The following DLG2 variants were observed in gnomAD, a reference collection of about 807,000 sequenced individuals.
DLG2 encodes the protein disks large homolog 2.
A neutral mutation model predicts 132.5 loss-of-function variants in DLG2; 45 were observed. The ratio of observed to expected loss-of-function variants is 0.34; its 90% confidence interval spans 0.27 to 0.44. The LOEUF is 0.44. Ranked by LOEUF, DLG2 falls within the 20% of genes least tolerant of loss-of-function variation. The pLI is 1.00. For missense variants in DLG2, 1,045 were observed against 1,196.9 expected (o/e 0.87, Z 1.87); for synonymous variants, 424 against 419.6 (o/e 1.01, Z -0.13).
At position 83,714,822 on chromosome 11, in the gene DLG2, A is replaced by G. The variant is rs558315380; in HGVS notation, c.1825+71868T>C. On this transcript the variant is annotated intron_variant, in intron 18 of 27. Transcript: ENST00000376104. ...GTGTGCCACGTTGGTGGGAGTGTAA[A>G]TTAGTTCAACCATTGTGGAAGACAG... Among the ~76,000 whole-genome samples, 3 of 152,354 alleles carry G rather than the reference A, an allele frequency of 2.0e-5. No individual in the cohort carries two copies. In the East Asian group the frequency reaches 5.8e-4, roughly 29 times the overall value.
chr11:84,756,554 T>C (rs140925144), intron 6 of DLG2, among the ~76,000 whole-genome samples: 2 of 152,224 alleles, frequency 1.3e-5, no homozygotes, highest in East Asian at 1.9e-4. Flanking sequence ...TCCAGAAAAA[T>C]ACAGATAATT....
At chr11:85,506,138 C>A (rs1486776595) in intron 3 of DLG2, among the ~76,000 whole-genome samples, 2 of 151,896 alleles carry the variant, frequency 1.3e-5, no homozygotes, top group East Asian at 3.9e-4. Context: ...GGCTAGTGGT[C>A]TATTTTGTTG....
intron 6 of DLG2, among the ~76,000 whole-genome samples, chr11:84,910,639 G>A (rs1247968804): frequency 1.3e-5 from 2 of 152,128 alleles, no homozygotes; most frequent in East Asian, 1.9e-4. Context: ...TTGGCCAGGT[G>A]CAGTGGCTCA....
chr11:85,417,282 C>T (rs2089947870), intron 3 of DLG2, among the ~76,000 whole-genome samples: 1 of 152,100 alleles, frequency 6.6e-6, no homozygotes, highest in South Asian at 2.1e-4. Context: ...CCTTGCATCC[C>T]AGAAATGAAG....
chr11:83,624,428 A>G (rs753987774), intron 19 of DLG2, among the ~76,000 whole-genome samples: 3 of 152,276 alleles, frequency 2.0e-5, no homozygotes, highest in Non-Finnish European at 4.4e-5. Flanking sequence ...TTAGCTGCCT[A>G]AAGACAAAGC....
At chr11:85,201,465 G>A (rs2081454007) in intron 4 of DLG2, among the ~76,000 whole-genome samples, 1 of 151,830 alleles carries the variant, frequency 6.6e-6, no homozygotes, top group South Asian at 2.1e-4. Flanking sequence ...ATCTGACTTA[G>A]GTGTTCCCCA....
At chr11:85,012,778 G>T (rs997756791) in intron 6 of DLG2, among the ~76,000 whole-genome samples, 4 of 151,950 alleles carry the variant, frequency 2.6e-5, no homozygotes, top group Middle Eastern at 3.4e-3. Flanking sequence ...ATTTTTTCCC[G>T]ACCATTTTTG....
At chr11:83,527,950 A>T (rs1049357388) in intron 21 of DLG2, among the ~76,000 whole-genome samples, 1 of 152,170 alleles carries the variant, frequency 6.6e-6, no homozygotes, top group Non-Finnish European at 1.5e-5. Flanking sequence ...AAATTGATTT[A>T]AAAAAAGGTA....
chr11:84,359,493 G>T (rs181222603), intron 7 of DLG2, among the ~76,000 whole-genome samples: 2 of 151,924 alleles, frequency 1.3e-5, no homozygotes, highest in East Asian at 3.9e-4. Flanking sequence ...CAAAGGTTAC[G>T]TGGCCTGAAA....
intron 6 of DLG2, among the ~76,000 whole-genome samples, chr11:84,975,198 C>T (rs2054712815): frequency 6.6e-6 from 1 of 152,114 alleles, no homozygotes; most frequent in Non-Finnish European, 1.5e-5. Context: ...TTTATCTATC[C>T]ATTATCCATT....
chr11:85,473,553 T>C (rs1001545000), intron 3 of DLG2, among the ~76,000 whole-genome samples: 3 of 151,998 alleles, frequency 2.0e-5, no homozygotes, highest in African/African-American at 7.2e-5. Flanking sequence ...CAAATATGAG[T>C]ATATCTGAAA....
chr11:84,316,504 C>G (rs915765343), intron 7 of DLG2, among the ~76,000 whole-genome samples: 1 of 151,762 alleles, frequency 6.6e-6, no homozygotes, highest in Non-Finnish European at 1.5e-5. Flanking sequence ...AATAAACAGG[C>G]AGGACAGAAC....
At chr11:84,590,708 A>C (rs1205822259) in intron 6 of DLG2, among the ~76,000 whole-genome samples, 2 of 152,174 alleles carry the variant, frequency 1.3e-5, no homozygotes, top group Non-Finnish European at 2.9e-5. Context: ...GCATTTACTC[A>C]ATAGATGCTG....
chr11:84,033,429 AT>A (rs2095766213), intron 11 of DLG2, among the ~76,000 whole-genome samples: 1 of 152,228 alleles, frequency 6.6e-6, no homozygotes, highest in Admixed American at 6.5e-5. Context: ...ATATGACTGA[AT>A]TGCTGCAATC....
chr11:84,069,948 A>G (rs890962207), intron 10 of DLG2, among the ~76,000 whole-genome samples: 1 of 152,182 alleles, frequency 6.6e-6, no homozygotes, highest in Non-Finnish European at 1.5e-5. Context: ...CTGCTTGTCA[A>G]CTTTCAAGAG....
intron 11 of DLG2, among the ~76,000 whole-genome samples, chr11:83,982,084 C>A (rs565597368): frequency 2.5e-4 from 38 of 152,210 alleles, no homozygotes; most frequent in South Asian, 6.2e-4. Flanking sequence ...GAACCTACTG[C>A]ATTTCTAGTC....
At chr11:84,987,342 G>A (rs969515910) in intron 6 of DLG2, among the ~76,000 whole-genome samples, 2 of 151,856 alleles carry the variant, frequency 1.3e-5, no homozygotes, top group Non-Finnish European at 2.9e-5. Context: ...TGACCATACT[G>A]TCAAAAGTAA....
chr11:85,373,222 G>A (rs943552857), intron 3 of DLG2, among the ~76,000 whole-genome samples: 7 of 152,036 alleles, frequency 4.6e-5, no homozygotes, highest in Admixed American at 1.3e-4. Context: ...CTGGTAAAAG[G>A]CCTTGGAATT....
chr11:83,775,821 A>C lies in DLG2; in HGVS notation c.1825+10869T>G, dbSNP rs149060170. Among the ~76,000 whole-genome samples, 3 of 152,180 alleles carry C rather than the reference A, an allele frequency of 2.0e-5. No homozygotes were observed. The South Asian group carries it at 6.2e-4, about 32-fold the overall frequency. On this transcript the variant is annotated intron_variant, in intron 18 of 27. Transcript: ENST00000376104. ...AATATAAAGATGAATAGCCGGGCGC[A>C]GTGGCTCACGCCTGTAATCCCAGCA...
Sources: gnomAD v4.1 joint callset for allele counts (sites outside exome capture counted in the v4.1 genomes callset) on GRCh38, gnomAD v4.1.1 for gene constraint, MANE v1.5 for transcripts, NCBI Gene and HGNC (gene_info 2026-07-23, HGNC 2026-07-21) for gene names.